The following CCDC43 variants were observed in gnomAD, a reference collection of about 807,000 sequenced individuals.
The protein encoded by CCDC43 is coiled-coil domain-containing protein 43.
CCDC43 carries 20 observed loss-of-function variants against 33.3 expected under a neutral mutation model. That is an observed-to-expected ratio of 0.60 (90% confidence interval 0.42 to 0.87). The LOEUF is 0.87. Among genes scored for constraint, CCDC43 ranks in the 40% least tolerant of loss-of-function variants. The pLI is 0.00. For missense variants in CCDC43, 248 were observed against 269.9 expected (o/e 0.92, Z 0.57); for synonymous variants, 104 against 106.5 (o/e 0.98, Z 0.14).
At chr17:44,681,779 A>C in intron 3 of CCDC43, 1 of 545,474 alleles carries the variant, frequency 1.8e-6, no homozygotes, top group Non-Finnish European at 3.2e-6. Context: ...GTTTTACACC[A>C]AAGTTTTCAG....
rs372602870 is a variant in CCDC43, at chr17:44,678,905, C to A, written c.626G>T (p.Arg209Leu). ...TGTCCTTTTTTTTTCCTTTTCCTTG[C>A]GCTCCTGCTTGGCTAGTTTGTCTCT... ...RERDKLAKQERKEKEKKRTQR... is the reference protein window; with the variant it reads ...RERDKLAKQELKEKEKKRTQR... The change falls in exon 5 of 5, where the codon CGC becomes CTC. Residue 209 changes from arginine to leucine, a missense_variant. Transcript: ENST00000315286. 3.7e-6 allele frequency: 6 copies of A among 1,613,312 alleles called. No homozygotes were observed. The highest frequency in any genetic ancestry group is 2.5e-6 in the Non-Finnish European group (3 of 1,179,728).
rs1167182781 is a variant in CCDC43, at chr17:44,689,679, C to T, written c.75G>A (p.Trp25Ter). ...GDGGGGGFGS[W>*]LDGRLEALGV... ...CCAGTGCCTCCAACCGTCCGTCCAG[C>T]CAGGAGCCAAAGCCGCCGCCTCCGC... The change falls in exon 1 of 5, where the codon TGG becomes TGA. Residue 25 changes from tryptophan to a stop codon, truncating the protein, a stop_gained. Coordinates refer to ENST00000315286, the MANE Select transcript of CCDC43 (RefSeq NM_144609.3). LOFTEE classifies it high-confidence loss of function. 3 of 1,611,400 alleles carry T rather than the reference C, an allele frequency of 1.9e-6. No homozygotes were observed. The highest frequency in any genetic ancestry group is 2.5e-6 in the Non-Finnish European group (3 of 1,179,006).
At chr17:44,689,367 G>T in intron 1 of CCDC43, 183 bp downstream of exon 1, 2 of 792,636 alleles carry the variant, frequency 2.5e-6, no homozygotes, top group South Asian at 1.9e-5. Context: ...GCAGCTTTCA[G>T]GCTTCCCACA....
At chr17:44,685,085 C>T (rs1310162038) in intron 1 of CCDC43, among the ~76,000 whole-genome samples, 2 of 152,156 alleles carry the variant, frequency 1.3e-5, no homozygotes, top group Non-Finnish European at 2.9e-5. Flanking sequence ...CACATCCAGC[C>T]GATTATTACT....
At position 44,689,727 on chromosome 17, in the gene CCDC43, C is replaced by T; in HGVS notation, c.27G>A (p.Ala9=). The T allele has an allele frequency of 6.3e-7, 1 of 1,581,448 alleles. No individual in the cohort carries two copies. The highest frequency in any genetic ancestry group is 8.6e-7 in the Non-Finnish European group (1 of 1,165,248). Residue 9 remains alanine (A), a synonymous_variant, in exon 1 of 5, where the codon GCG becomes GCA. Coordinates refer to ENST00000315286, the MANE Select transcript of CCDC43 (RefSeq NM_144609.3). MAAPSEVA[A]IAPGEGDGGG... ...CGCCATCGCCTTCGCCAGGGGCTAT[C>T]GCGGCCACTTCGCTGGGCGCCGCCA...
chr17:44,686,138 C>A lies in CCDC43; in HGVS notation c.205-2179G>T, dbSNP rs1278114344. On this transcript the variant is annotated intron_variant, in intron 1 of 4. Transcript: ENST00000315286. ...CCATGTTAGCCAGGATGGTTTCGAT[C>A]TCCTGACCTCGTGATCCGCCTGCCT... 2.0e-5 allele frequency among the ~76,000 whole-genome samples: 3 copies of A among 152,192 alleles called. No homozygotes were observed. In the East Asian group the frequency reaches 5.8e-4, roughly 29 times the overall value.
chr17:44,688,665 T>C (rs1211590451), intron 1 of CCDC43, among the ~76,000 whole-genome samples: 1 of 152,196 alleles, frequency 6.6e-6, no homozygotes, highest in Admixed American at 6.5e-5. Context: ...CATTTAGTGA[T>C]GATTCAAGTA....
intron 3 of CCDC43, among the ~76,000 whole-genome samples, chr17:44,680,945 C>T (rs182271293): frequency 1.3e-5 from 2 of 152,222 alleles, no homozygotes; most frequent in Admixed American, 6.5e-5. Flanking sequence ...TTCACAAAAC[C>T]CCCAGGAATA....
intron 3 of CCDC43, 48 bp from the exon 4 acceptor site, chr17:44,680,691 A>C (rs1207722736): frequency 1.5e-6 from 2 of 1,364,334 alleles, no homozygotes; most frequent in South Asian, 2.3e-5. Context: ...TCCCAACCTA[A>C]CATTAGAAAA....
chr17:44,680,488 G>A, intron 4 of CCDC43, 97 bp downstream of exon 4: 1 of 832,872 alleles, frequency 1.2e-6, no homozygotes, highest in South Asian at 1.5e-5. Flanking sequence ...ATGAGTTCCT[G>A]AAGGTAAAGG....
chr17:44,685,932 G>A (rs1453666492), intron 1 of CCDC43, among the ~76,000 whole-genome samples: 2 of 149,246 alleles, frequency 1.3e-5, no homozygotes, highest in Non-Finnish European at 3.0e-5. Flanking sequence ...TTTTTTTTTT[G>A]AGACGGAGTC....
At chr17:44,688,611 T>A (rs1183123748) in intron 1 of CCDC43, among the ~76,000 whole-genome samples, 2 of 152,192 alleles carry the variant, frequency 1.3e-5, no homozygotes, top group Non-Finnish European at 2.9e-5. Context: ...GTATCCAGGA[T>A]CTCCTCTAAT....
intron 4 of CCDC43, 46 bp from the exon 5 acceptor site, chr17:44,679,089 CCTA>C: frequency 6.9e-7 from 1 of 1,447,076 alleles, no homozygotes; most frequent in Non-Finnish European, 9.5e-7. Flanking sequence ...ACAGATCACA[CCTA>C]CTGCTGCCTT....
At chr17:44,683,145 T>C (rs1358440254) in intron 2 of CCDC43, among the ~76,000 whole-genome samples, 1 of 152,204 alleles carries the variant, frequency 6.6e-6, no homozygotes, top group African/African-American at 2.4e-5. Flanking sequence ...ATCCTAGTGG[T>C]GGGTATATTC....
chr17:44,681,799 G>A, intron 3 of CCDC43: 2 of 582,878 alleles, frequency 3.4e-6, no homozygotes, highest in South Asian at 4.4e-5. Flanking sequence ...GGAATATAAT[G>A]ATTATGTGTT....
At chr17:44,682,596 G>A (rs988124212) in intron 2 of CCDC43, among the ~76,000 whole-genome samples, 19 of 152,212 alleles carry the variant, frequency 1.2e-4, no homozygotes, top group African/African-American at 3.9e-4. Context: ...GGTGGCTCAC[G>A]CCTGTAATCC....
chr17:44,687,236 A>C (rs769996782), intron 1 of CCDC43, among the ~76,000 whole-genome samples: 1 of 152,002 alleles, frequency 6.6e-6, no homozygotes, highest in Non-Finnish European at 1.5e-5. Flanking sequence ...TGAGGTCAGG[A>C]GTTTGAGACC....
intron 2 of CCDC43, among the ~76,000 whole-genome samples, chr17:44,682,868 T>A (rs8079825): frequency 0.15 from 22,518 of 151,622 alleles, 1,693 homozygotes; most frequent in South Asian, 0.27. Context: ...AAAAAAAAAA[T>A]ATTTTGCCAT....
chr17:44,689,586 C>G lies in CCDC43; in HGVS notation c.168G>C (p.Lys56Asn). The G allele has an allele frequency of 6.2e-7, 1 of 1,614,018 alleles. No homozygotes were observed. Among genetic ancestry groups the G allele is most frequent in the African/African-American group, 1.3e-5 (1 of 75,064 alleles). The change falls in exon 1 of 5, where the codon AAG (lysine) becomes AAC (asparagine). Residue 56 changes from lysine to asparagine, a missense_variant. Coordinates refer to ENST00000315286, the MANE Select transcript of CCDC43 (RefSeq NM_144609.3). ...AGAGGATCCCCTGCAGAGCGTCCAG[C>G]TTCTCTTCTTCCTCCTCCTCCTGCA... ...GILQEEEEEEKLDALQGILSA... is the reference protein window; with the variant it reads ...GILQEEEEEENLDALQGILSA...
Sources: gnomAD v4.1 joint callset for allele counts (sites outside exome capture counted in the v4.1 genomes callset) on GRCh38, gnomAD v4.1.1 for gene constraint, MANE v1.5 for transcripts, NCBI Gene and HGNC (gene_info 2026-07-23, HGNC 2026-07-21) for gene names.